The following SMYD4 variants were observed in gnomAD, a reference collection of about 807,000 sequenced individuals.
SMYD4 encodes the protein protein-lysine N-methyltransferase SMYD4.
A neutral mutation model predicts 72.8 loss-of-function variants in SMYD4; 68 were observed. That is an observed-to-expected ratio of 0.93 (90% CI 0.77 to 1.14). The LOEUF is 1.14. SMYD4 is among the 50% of genes most tolerant of loss of function. The probability of loss-of-function intolerance (pLI) is 0.00; values close to 1 mark genes in which losing one functional copy is unlikely to be tolerated. For missense variants in SMYD4, 984 were observed against 1,003.7 expected (o/e 0.98, Z 0.27); for synonymous variants, 407 against 388.6 (o/e 1.05, Z -0.56).
intron 2 of SMYD4, among the ~76,000 whole-genome samples, chr17:1,822,981 TA>T (rs1303452193): frequency 6.6e-6 from 1 of 152,054 alleles, no homozygotes; most frequent in Non-Finnish European, 1.5e-5. Flanking sequence ...TTATTTGGAT[TA>T]GGAAATTTAA....
intron 4 of SMYD4, 65 bp from the exon 5 acceptor site, chr17:1,801,089 G>C: frequency 6.9e-7 from 1 of 1,450,516 alleles, no homozygotes; most frequent in Non-Finnish European, 9.3e-7. Flanking sequence ...TACTGAAAAT[G>C]TTTCCAAAAA....
At chr17:1,788,018 T>C (rs1013938732) in intron 5 of SMYD4, among the ~76,000 whole-genome samples, 4 of 152,200 alleles carry the variant, frequency 2.6e-5, no homozygotes, top group Admixed American at 2.6e-4. Flanking sequence ...ATCTGGTCTT[T>C]GGTTGGTTAA....
intron 4 of SMYD4, among the ~76,000 whole-genome samples, chr17:1,801,677 A>C (rs1241154963): frequency 1.3e-5 from 2 of 148,988 alleles, no homozygotes; most frequent in Admixed American, 6.7e-5. Flanking sequence ...GCAGACCTGC[A>C]TTCAAATACA....
At chr17:1,814,049 G>A (rs532796927) in intron 2 of SMYD4, among the ~76,000 whole-genome samples, 25 of 152,108 alleles carry the variant, frequency 1.6e-4, no homozygotes, top group Non-Finnish European at 2.4e-4. Context: ...GGTGGCTCAC[G>A]CCTGTAATTC....
intron 3 of SMYD4, among the ~76,000 whole-genome samples, chr17:1,809,407 C>G (rs2151243177): frequency 6.6e-6 from 1 of 151,524 alleles, no homozygotes; most frequent in East Asian, 1.9e-4. Flanking sequence ...CAGAGTCTTG[C>G]TCTGTCGCCC....
At chr17:1,785,194 G>T (rs1272696788) in intron 7 of SMYD4, among the ~76,000 whole-genome samples, 2 of 143,204 alleles carry the variant, frequency 1.4e-5, no homozygotes, top group African/African-American at 5.1e-5. Flanking sequence ...AGGGCGAGGC[G>T]GGTGGATCCA....
chr17:1,789,585 G>A (rs1204162925), intron 5 of SMYD4, among the ~76,000 whole-genome samples: 3 of 152,002 alleles, frequency 2.0e-5, no homozygotes, highest in East Asian at 1.9e-4. Context: ...CCAACATGGT[G>A]AACCCTCGTC....
intron 2 of SMYD4, among the ~76,000 whole-genome samples, chr17:1,825,122 C>T (rs554784462): frequency 2.6e-4 from 39 of 152,156 alleles, no homozygotes; most frequent in African/African-American, 8.9e-4. Flanking sequence ...TTGATAGCAA[C>T]GTGAGAATGG....
intron 3 of SMYD4, among the ~76,000 whole-genome samples, chr17:1,804,924 T>C (rs1909958273): frequency 6.6e-6 from 1 of 152,158 alleles, no homozygotes; most frequent in Non-Finnish European, 1.5e-5. Flanking sequence ...CTTTGTCAGA[T>C]ACAGCTTCAA....
At position 1,792,204 on chromosome 17, in the gene SMYD4, G is replaced by A. The variant is rs569823944; in HGVS notation, c.1538-4600C>T. ...ACTACAGGCGCCCGCAACCACGCCCGGCTAATTTTTTGTATTTTTAGTAGA... is the reference window on the plus strand; with the variant it reads ...ACTACAGGCGCCCGCAACCACGCCCAGCTAATTTTTTGTATTTTTAGTAGA... On this transcript the variant is annotated intron_variant, in intron 5 of 10. Transcript: ENST00000305513. Among the ~76,000 whole-genome samples, 20 of 151,900 alleles carry A rather than the reference G, an allele frequency of 1.3e-4. No homozygotes were observed. The East Asian group carries it at 2.8e-3, about 21-fold the overall frequency.
chr17:1,785,920 G>C (rs1000926921), intron 7 of SMYD4, among the ~76,000 whole-genome samples: 1 of 152,200 alleles, frequency 6.6e-6, no homozygotes, highest in South Asian at 2.1e-4. Context: ...TTGTGGCAGA[G>C]GGGAAACCTC....
chr17:1,803,120 C>T (rs555368610), intron 4 of SMYD4, among the ~76,000 whole-genome samples: 21 of 152,240 alleles, frequency 1.4e-4, no homozygotes, highest in African/African-American at 3.9e-4. Context: ...GACGCCTGGG[C>T]GACAGAGCGA....
intron 5 of SMYD4, among the ~76,000 whole-genome samples, chr17:1,794,037 G>GTATATATATATA (rs540607649): frequency 2.0e-5 from 1 of 49,332 alleles, no homozygotes; most frequent in African/African-American, 7.4e-5. Context: ...ATATATATAT[G>GTATATATATATA]TATGTATATA....
intron 5 of SMYD4, among the ~76,000 whole-genome samples, chr17:1,788,615 C>G (rs1053288268): frequency 6.6e-6 from 1 of 151,742 alleles, no homozygotes; most frequent in Non-Finnish European, 1.5e-5. Context: ...TGTGGTGGTA[C>G]GTGCCTGTAG....
rs758347284 is a variant in SMYD4, at chr17:1,784,404, C to T, written c.1942G>A (p.Asp648Asn). ...TCCTGTAACCGAGAGACCAGGTGGT[C>T]CCTGCTGACGGCGGATTCTGCACAA... Reference protein sequence around the residue: ...RSCAESAVSRDHLVSRLQDLQ... With the variant: ...RSCAESAVSRNHLVSRLQDLQ... Residue 648 changes from aspartate to asparagine, a missense_variant, in exon 8 of 11, where the codon GAC becomes AAC. Physicochemically the swap from Asp to Asn is conservative, Grantham distance 23. Coordinates refer to ENST00000305513, the MANE Select transcript of SMYD4 (RefSeq NM_052928.3). 2 of 1,614,238 alleles carry T rather than the reference C, an allele frequency of 1.2e-6. No individual in the cohort carries two copies. The highest frequency in any genetic ancestry group is 3.3e-5 in the Admixed American group (2 of 60,026).
chr17:1,797,718 C>G (rs1158013033), intron 5 of SMYD4, among the ~76,000 whole-genome samples: 1 of 152,098 alleles, frequency 6.6e-6, no homozygotes. Context: ...GGTCTGATAT[C>G]TGGCCGGGCA....
intron 2 of SMYD4, among the ~76,000 whole-genome samples, chr17:1,826,941 A>T: frequency 6.6e-6 from 1 of 152,072 alleles, no homozygotes; most frequent in Admixed American, 6.6e-5. Context: ...ATTTGAGGGC[A>T]GGAGTTCAAG....
intron 5 of SMYD4, among the ~76,000 whole-genome samples, chr17:1,794,013 ATATATATGTGTGTATATATATATGTATG>A (rs1178739537): frequency 5.9e-5 from 6 of 101,006 alleles, no homozygotes; most frequent in South Asian, 2.8e-4. Context: ...ATATGTATAT[ATATATATGTGTGTATATATATATGTATG>A]TATATATATA....
At chr17:1,812,311 G>A (rs1319106114) in intron 2 of SMYD4, among the ~76,000 whole-genome samples, 196 bp from the exon 3 acceptor site, 1 of 152,142 alleles carries the variant, frequency 6.6e-6, no homozygotes, top group Non-Finnish European at 1.5e-5. Flanking sequence ...TTTTGAGACA[G>A]GGTCTCACTC....
Sources: allele counts gnomAD v4.1 joint callset (sites outside exome capture counted in the v4.1 genomes callset), GRCh38; gene constraint gnomAD v4.1.1; transcripts MANE v1.5; gene names NCBI Gene and HGNC (gene_info 2026-07-23, HGNC 2026-07-21).